Variants in GRAMD1C observed in about 807,000 individuals in gnomAD.
GRAMD1C encodes protein Aster-C.
GRAMD1C carries 89 observed loss-of-function variants against 97.8 expected under a neutral mutation model. The observed-to-expected ratio is 0.91, with a 90% confidence interval of 0.77 to 1.09. The LOEUF (loss-of-function observed/expected upper bound fraction) is 1.09. GRAMD1C is among the 50% of genes least tolerant of loss of function. The pLI is 0.00. For missense variants in GRAMD1C, 740 were observed against 766.4 expected (o/e 0.97, Z 0.41); for synonymous variants, 256 against 267.0 (o/e 0.96, Z 0.40).
intron 2 of GRAMD1C, chr3:113,850,494 T>A: frequency 6.5e-7 from 1 of 1,538,408 alleles, no homozygotes; most frequent in Non-Finnish European, 9.0e-7. Flanking sequence ...AAGATAATCA[T>A]GGAGATACTG....
At chr3:113,917,856 C>CTTTTTTT (rs71144097) in intron 10 of GRAMD1C, among the ~76,000 whole-genome samples, 10 of 41,924 alleles carry the variant, frequency 2.4e-4, no homozygotes, top group Non-Finnish European at 3.7e-4. Flanking sequence ...CCATGCTTGG[C>CTTTTTTT]TTTTTTTTTT....
intron 9 of GRAMD1C, among the ~76,000 whole-genome samples, chr3:113,914,652 C>A (rs1420119752): frequency 6.6e-6 from 1 of 150,890 alleles, no homozygotes; most frequent in South Asian, 2.1e-4. Flanking sequence ...ATGTTACTTC[C>A]TCTATTATGC....
intron 7 of GRAMD1C, 121 bp from the exon 8 acceptor site, chr3:113,904,019 A>G (rs1167137825): frequency 1.6e-6 from 1 of 637,480 alleles, no homozygotes; most frequent in African/African-American, 1.8e-5. Context: ...TATTTGCTAT[A>G]TTACAGTAGT....
At chr3:113,860,967 T>TAA (rs56315203) in intron 2 of GRAMD1C, among the ~76,000 whole-genome samples, 3 of 138,496 alleles carry the variant, frequency 2.2e-5, no homozygotes, top group Non-Finnish European at 1.6e-5. Context: ...AACTCCAACT[T>TAA]AAAAAAAAAA....
chr3:113,889,357 A>G (rs1935629137), intron 6 of GRAMD1C, among the ~76,000 whole-genome samples: 1 of 152,214 alleles, frequency 6.6e-6, no homozygotes. Context: ...TGTTCTTATG[A>G]AATGTTTAGA....
At chr3:113,832,012 T>C (rs1484046348) in intron 1 of GRAMD1C, among the ~76,000 whole-genome samples, 1 of 151,844 alleles carries the variant, frequency 6.6e-6, no homozygotes, top group East Asian at 1.9e-4. Flanking sequence ...AAACTGGACA[T>C]TTTGAATATT....
At chr3:113,932,730 C>G (rs1937482825) in intron 11 of GRAMD1C, among the ~76,000 whole-genome samples, 1 of 152,178 alleles carries the variant, frequency 6.6e-6, no homozygotes, top group Admixed American at 6.5e-5. Context: ...CTTTAAGAGA[C>G]AGTTTCAGTC....
intron 6 of GRAMD1C, among the ~76,000 whole-genome samples, chr3:113,886,311 T>C (rs1935475532): frequency 6.6e-6 from 1 of 152,136 alleles, no homozygotes; most frequent in African/African-American, 2.4e-5. Context: ...GCCGAATCAG[T>C]GTTTGTGAAG....
chr3:113,851,103 A>G (rs1933884773), intron 2 of GRAMD1C, among the ~76,000 whole-genome samples: 1 of 152,198 alleles, frequency 6.6e-6, no homozygotes, highest in South Asian at 2.1e-4. Context: ...CACCCGGCCT[A>G]TACTTCTTTA....
chr3:113,843,715 C>A (rs566583175), intron 1 of GRAMD1C, among the ~76,000 whole-genome samples: 1 of 152,330 alleles, frequency 6.6e-6, no homozygotes, highest in South Asian at 2.1e-4. Context: ...CTCAAGTGAT[C>A]CCAAAGTGTT....
chr3:113,859,184 T>G (rs1374980293), intron 2 of GRAMD1C, among the ~76,000 whole-genome samples: 1 of 152,136 alleles, frequency 6.6e-6, no homozygotes, highest in Admixed American at 6.5e-5. Flanking sequence ...TTCAGACTTC[T>G]CCTTTTTTTC....
At chr3:113,925,171 G>A (rs1356207840) in intron 10 of GRAMD1C, among the ~76,000 whole-genome samples, 1 of 152,148 alleles carries the variant, frequency 6.6e-6, no homozygotes, top group African/African-American at 2.4e-5. Context: ...GGATGCCATT[G>A]CATGTGAGAT....
intron 2 of GRAMD1C, among the ~76,000 whole-genome samples, chr3:113,848,897 T>C (rs552651176): frequency 8.7e-4 from 133 of 152,314 alleles, no homozygotes; most frequent in African/African-American, 3.1e-3. Flanking sequence ...ATAAAAATTA[T>C]GTGAAATGAT....
At chr3:113,851,954 C>T (rs559828519) in intron 2 of GRAMD1C, among the ~76,000 whole-genome samples, 41 of 152,128 alleles carry the variant, frequency 2.7e-4, no homozygotes, top group Admixed American at 4.6e-4. Flanking sequence ...CTGCAACCTC[C>T]GCCTCCTGGG....
chr3:113,854,654 T>C (rs913905082), intron 2 of GRAMD1C, among the ~76,000 whole-genome samples: 2 of 152,176 alleles, frequency 1.3e-5, no homozygotes, highest in Non-Finnish European at 2.9e-5. Context: ...ATTTGACTTA[T>C]GGTTGTTTAA....
At chr3:113,928,235 C>G (rs1250387729) in intron 10 of GRAMD1C, among the ~76,000 whole-genome samples, 3 of 152,126 alleles carry the variant, frequency 2.0e-5, no homozygotes, top group African/African-American at 7.2e-5. Context: ...CTAGTAGGGT[C>G]AGTGTTCATC....
At chr3:113,890,279 T>C (rs145409485) in intron 6 of GRAMD1C, among the ~76,000 whole-genome samples, 3 of 152,302 alleles carry the variant, frequency 2.0e-5, no homozygotes, top group African/African-American at 7.2e-5. Context: ...AAGCCCCAAG[T>C]CCAAGCCCCT....
At chr3:113,833,120 C>CTTTTTTT (rs200062835) in intron 1 of GRAMD1C, among the ~76,000 whole-genome samples, 5 of 129,470 alleles carry the variant, frequency 3.9e-5, no homozygotes, top group Non-Finnish European at 4.8e-5. Context: ...TTCTTTCTTT[C>CTTTTTTT]TTTTTTTTTT....
chr3:113,936,204 C>T (rs1404422357), intron 13 of GRAMD1C, 62 bp from the exon 14 acceptor site: 12 of 927,228 alleles, frequency 1.3e-5, no homozygotes, highest in Non-Finnish European at 1.6e-5. Context: ...CACCAAAACC[C>T]ATTGTATCTT....
Sources: allele counts gnomAD v4.1 joint callset (sites outside exome capture counted in the v4.1 genomes callset), GRCh38; gene constraint gnomAD v4.1.1; transcripts MANE v1.5; gene names NCBI Gene and HGNC (gene_info 2026-07-23, HGNC 2026-07-21).